C16orf46: variants seen among roughly 807,000 people sequenced by gnomAD.
C16orf46 encodes the protein chromosome 16 open reading frame 46.
A neutral mutation model predicts 5.5 loss-of-function variants in C16orf46; 7 were observed. The observed-to-expected ratio is 1.28, with a 90% CI of 0.73 to 2.40. C16orf46 has a LOEUF of 2.40. Ranked by LOEUF, C16orf46 falls within the 30% of genes most tolerant of loss-of-function variation. The probability of loss-of-function intolerance (pLI) is 0.00; values close to 1 mark genes in which losing one functional copy is unlikely to be tolerated. For synonymous variants in C16orf46, 200 were observed against 184.1 expected (o/e 1.09, Z -0.70); for missense variants, 614 against 476.0 (o/e 1.29, Z -2.70).
chr16:81,061,113 G>A lies in C16orf46; in HGVS notation c.*48C>T, dbSNP rs373925667. The A allele has an allele frequency of 2.1e-4, 317 of 1,527,514 alleles. No homozygotes were observed. The highest frequency in any genetic ancestry group is 2.6e-4 in the Non-Finnish European group (297 of 1,138,852). The allele number at this position is 1,527,514 out of a possible 1,614,324, so 94.6% of individuals were successfully genotyped here. A position where few individuals can be genotyped will look rare whatever the true frequency, so the allele number is the denominator to read the frequency against. ...ATGAGAGAGAAGAAAGAGAAAGGAT[G>A]GCTGCATCTCAAACGGTGCTTATTC... On this transcript the variant is annotated 3_prime_UTR_variant, in exon 4 of 4. Coordinates refer to ENST00000299578, the MANE Select transcript of C16orf46 (RefSeq NM_152337.3).
At chr16:81,062,840 T>A (rs1456002658) in intron 3 of C16orf46, among the ~76,000 whole-genome samples, 1 of 151,364 alleles carries the variant, frequency 6.6e-6, no homozygotes. Flanking sequence ...ATCCTATGTT[T>A]AATCACTGGA....
intron 1 of C16orf46, among the ~76,000 whole-genome samples, chr16:81,067,909 C>A (rs1478320322): frequency 6.6e-6 from 1 of 152,136 alleles, no homozygotes. Flanking sequence ...GAAAAAAACA[C>A]ACAGATCTAC....
At chr16:81,060,867 G>C, downstream of C16orf46, 1 of 633,854 alleles carries the variant, frequency 1.6e-6, no homozygotes, top group Non-Finnish European at 2.1e-6. Flanking sequence ...TGGACATGAA[G>C]CAGGCAGAGG....
chr16:81,058,482 G>C (rs1054493425), downstream of C16orf46, among the ~76,000 whole-genome samples: 5 of 152,176 alleles, frequency 3.3e-5, no homozygotes, highest in African/African-American at 1.2e-4. Context: ...GGCAAAACCA[G>C]ATGAGGAAAA....
intron 3 of C16orf46, among the ~76,000 whole-genome samples, chr16:81,063,375 T>C (rs1971550279): frequency 6.6e-6 from 1 of 152,056 alleles, no homozygotes; most frequent in Non-Finnish European, 1.5e-5. Flanking sequence ...GAGACCTGGA[T>C]TCAAGCCCTG....
At chr16:81,064,065 G>C in intron 2 of C16orf46, 72 bp from the exon 3 acceptor site, 2 of 791,374 alleles carry the variant, frequency 2.5e-6, no homozygotes, top group Non-Finnish European at 3.9e-6. Flanking sequence ...GCAATACTCA[G>C]GTGAAATATC....
chr16:81,061,298 G>A lies in C16orf46; in HGVS notation c.1051C>T (p.Arg351Ter), dbSNP rs762868784. The A allele has an allele frequency of 5.0e-6, 8 of 1,613,962 alleles. No individual in the cohort carries two copies. Among genetic ancestry groups the A allele is most frequent in the South Asian group, 3.3e-5 (3 of 91,072 alleles). Residue 351 changes from arginine to a stop codon, truncating the protein, a stop_gained, in exon 4 of 4, where the codon CGA becomes TGA. Coordinates refer to ENST00000299578, the MANE Select transcript of C16orf46 (RefSeq NM_152337.3). LOFTEE classifies it low-confidence loss of function (END_TRUNC). ...TTGGCCTTTGGGAGAACATGCTTTC[G>A]GGTGATCACAGGAGATCTTGGCTCC... is the stretch of plus-strand genomic sequence containing the variant. ...AKEPRSPVIT[R>*]KHVLPKAKQE...
At chr16:81,073,405 C>T (rs970988685) in intron 1 of C16orf46, among the ~76,000 whole-genome samples, 4 of 152,098 alleles carry the variant, frequency 2.6e-5, no homozygotes, top group African/African-American at 9.7e-5. Context: ...GGTAAAAATA[C>T]CTGCTGCAAT....
intron 3 of C16orf46, chr16:81,055,318 AG>A (rs1971263294): frequency 6.6e-6 from 1 of 152,250 alleles, no homozygotes; most frequent in Non-Finnish European, 1.5e-5. Context: ...ATAAAGGCTT[AG>A]TGAACTGTCA....
intron 2 of C16orf46, among the ~76,000 whole-genome samples, chr16:81,065,335 G>T (rs1323718325): frequency 6.6e-6 from 1 of 152,088 alleles, no homozygotes; most frequent in Admixed American, 6.6e-5. Flanking sequence ...TTAGCCAGGT[G>T]TGGTGGTGCA....
At chr16:81,054,343 A>C (rs1403887063) in intron 3 of C16orf46, among the ~76,000 whole-genome samples, 4 of 152,052 alleles carry the variant, frequency 2.6e-5, no homozygotes, top group African/African-American at 9.7e-5. Flanking sequence ...ACCGAAATTA[A>C]GATTTTAATT....
Position 81,062,099 on chromosome 16 carries a change from A to G in C16orf46, c.250T>C (p.Trp84Arg), listed in dbSNP as rs148661197. 3.4e-5 allele frequency: 55 copies of G among 1,603,430 alleles called. No individual in the cohort carries two copies. In the African/African-American group the frequency reaches 6.7e-4, roughly 19 times the overall value. Residue 84 changes from tryptophan to arginine, a missense_variant, in exon 4 of 4, where the codon TGG (tryptophan) becomes CGG (arginine). Trp to Arg is a moderately radical substitution (Grantham distance 101, BLOSUM62 -3). Transcript: ENST00000299578. ...GCCTTTTTTGGTATCTTCCTCGGCC[A>G]GATGCAGGCAGCTGGAGAAGTCCTT... The part of the protein sequence containing the change: ...WGRTSPAACI[W>R]PRKIPKKARV...
intron 1 of C16orf46, chr16:81,070,015 A>C (rs1419581951): frequency 6.6e-6 from 1 of 152,132 alleles, no homozygotes; most frequent in East Asian, 1.9e-4. Flanking sequence ...AATCCCAGCT[A>C]TTCAGGAGAC....
At chr16:81,054,596 G>A (rs1427439289) in intron 3 of C16orf46, among the ~76,000 whole-genome samples, 1 of 150,718 alleles carries the variant, frequency 6.6e-6, no homozygotes, top group African/African-American at 2.4e-5. Flanking sequence ...CCATCTTGGC[G>A]TCCCAAAGTG....
chr16:81,070,267 G>C (rs768958980), intron 1 of C16orf46, among the ~76,000 whole-genome samples: 1 of 152,220 alleles, frequency 6.6e-6, no homozygotes, highest in Non-Finnish European at 1.5e-5. Flanking sequence ...TAGGAATCTA[G>C]AGCAGGATTC....
Position 81,062,035 on chromosome 16 carries a change from C to A in C16orf46, c.314G>T (p.Cys105Phe). Residue 105 changes from cysteine (C) to phenylalanine (F), a missense_variant, in exon 4 of 4, where the codon TGT becomes TTT. Physicochemically the swap from Cys to Phe is radical, Grantham distance 205 (BLOSUM62 -2). Coordinates refer to ENST00000299578, the MANE Select transcript of C16orf46 (RefSeq NM_152337.3). ...GAGGCTCCAGTGGGAGAGGTTAACACACACCAAGCAGTCGCTGCAGGCACC... is the reference window on the plus strand; with the variant it reads ...GAGGCTCCAGTGGGAGAGGTTAACAAACACCAAGCAGTCGCTGCAGGCACC... ...GEGACSDCLV[C>F]VNLSHWSLQT... The A allele has an allele frequency of 6.2e-7, 1 of 1,613,752 alleles. No homozygotes were observed.
At chr16:81,070,205 G>C (rs1423231819) in intron 1 of C16orf46, among the ~76,000 whole-genome samples, 6 of 152,026 alleles carry the variant, frequency 3.9e-5, no homozygotes, top group African/African-American at 1.2e-4. Flanking sequence ...TAGATTGAAA[G>C]GTTAAAGAAG....
At chr16:81,069,909 C>T (rs1008819774) in intron 1 of C16orf46, 6 of 152,066 alleles carry the variant, frequency 3.9e-5, no homozygotes, top group African/African-American at 7.2e-5. Context: ...TGGATCACGA[C>T]GTCAGGAGTT....
At chr16:81,054,789 C>T (rs1351803175) in intron 3 of C16orf46, among the ~76,000 whole-genome samples, 1 of 151,862 alleles carries the variant, frequency 6.6e-6, no homozygotes. Flanking sequence ...GCTGGGATTA[C>T]AGGCACGCAC....
Sources: allele counts gnomAD v4.1 joint callset (sites outside exome capture counted in the v4.1 genomes callset), GRCh38; gene constraint gnomAD v4.1.1; transcripts MANE v1.5; gene names NCBI Gene and HGNC (gene_info 2026-07-23, HGNC 2026-07-21).